The following TSPAN14 variants were observed in gnomAD, a reference collection of about 807,000 sequenced individuals.
TSPAN14 encodes the protein tetraspanin 14.
A neutral mutation model predicts 36.6 loss-of-function variants in TSPAN14; 16 were observed. That is an observed-to-expected ratio of 0.44 (90% CI 0.30 to 0.66). The LOEUF is 0.66. Among genes scored for constraint, TSPAN14 ranks in the 30% least tolerant of loss-of-function variants. TSPAN14 has a pLI of 0.12. For missense variants in TSPAN14, 231 were observed against 355.1 expected (o/e 0.65, Z 2.81); for synonymous variants, 139 against 143.8 (o/e 0.97, Z 0.24).
rs1362634641 is a variant in TSPAN14, at chr10:80,507,141, G to GTT, written c.133-84_133-83dup. On this transcript the variant is annotated intron_variant, in intron 3 of 8. Transcript: ENST00000429989. The stretch of plus-strand genomic sequence containing the variant: ...GCTGAGCCTGGGGAAGCAAGTCCCT[G>GTT]TTTTCAGTACCACCTGCATCCCCCA... 6.5e-6 allele frequency: 10 copies of GTT among 1,535,524 alleles called. No homozygotes were observed. The Middle Eastern group carries it at 9.1e-4, about 140-fold the overall frequency.
chr10:80,517,794 T>G, intron 8 of TSPAN14, 111 bp from the exon 9 acceptor site: 1 of 1,036,832 alleles, frequency 9.6e-7, no homozygotes, highest in Non-Finnish European at 1.5e-6. Context: ...CAGTCGCAGC[T>G]GGGGGGTGAG....
intron 1 of TSPAN14, among the ~76,000 whole-genome samples, chr10:80,473,782 T>C (rs1055870050): frequency 3.3e-5 from 5 of 151,192 alleles, no homozygotes; most frequent in Non-Finnish European, 7.4e-5. Flanking sequence ...GTGTTTCTGG[T>C]GGCCCCTGGA....
chr10:80,511,588 G>A (rs2132056762), intron 5 of TSPAN14, among the ~76,000 whole-genome samples: 1 of 152,196 alleles, frequency 6.6e-6, no homozygotes, highest in Middle Eastern at 3.4e-3. Context: ...CCTGGCAGTG[G>A]GGCCAGAGGG....
rs770128244 is a variant in TSPAN14, at chr10:80,455,445, CAGGGGATCTTCCTCCCTTCCG to C, written c.-18+1077_-18+1097del. Among the ~76,000 whole-genome samples, 22 of 152,096 alleles carry C rather than the reference CAGGGGATCTTCCTCCCTTCCG, an allele frequency of 1.4e-4. 1 individual carries two copies. The highest frequency in any genetic ancestry group is 2.6e-4 in the Admixed American group (4 of 15,278). ...GTGCTCTTGGCAGTGGTCTGCTCTC[CAGGGGATCTTCCTCCCTTCCG>C]AGAGGGAGTTGCTCTTGGGCTAGTG... On this transcript the variant is annotated intron_variant, in intron 1 of 8. Transcript: ENST00000429989.
Position 80,518,955 on chromosome 10 carries a change from C to T in TSPAN14, c.*979C>T, listed in dbSNP as rs940807996. 2.0e-5 allele frequency: 3 copies of T among 153,082 alleles called. No individual in the cohort carries two copies. The Admixed American group carries it at 2.0e-4, about 10-fold the overall frequency. 9.5% of individuals were successfully genotyped at this position (153,082 alleles called of 1,614,324 possible). A position where few individuals can be genotyped will look rare whatever the true frequency, so the allele number is the denominator to read the frequency against. ...TACTGCAGCCTCCCTCCATGCATCCCACATACAAGCACTCCCCCACTCCCC... is the reference window on the plus strand; with the variant it reads ...TACTGCAGCCTCCCTCCATGCATCCTACATACAAGCACTCCCCCACTCCCC... On this transcript the variant is annotated 3_prime_UTR_variant, in exon 9 of 9. Coordinates refer to ENST00000429989, the Ensembl canonical transcript of TSPAN14.
chr10:80,509,796 C>A lies in TSPAN14; in HGVS notation c.450+325C>A. 3.4e-6 allele frequency: 1 copy of A among 295,150 alleles called. No individual in the cohort carries two copies. Among genetic ancestry groups the A allele is most frequent in the South Asian group, 4.2e-5 (1 of 23,574 alleles). 18.3% of individuals were successfully genotyped at this position (295,150 alleles called of 1,614,324 possible). ...GCCCAATAGCCATACCAGCTGCAAT[C>A]CTCCTTAGGCGCTGCATACCGTAAG... On this transcript the variant is annotated intron_variant, in intron 5 of 8. Transcript: ENST00000429989. The surrounding 1 kb of genome is among the most constrained non-coding windows in gnomAD (Gnocchi z 4.7).
chr10:80,455,351 C>T (rs1845689251), intron 1 of TSPAN14, among the ~76,000 whole-genome samples: 1 of 152,056 alleles, frequency 6.6e-6, no homozygotes, highest in Non-Finnish European at 1.5e-5. Flanking sequence ...GCTGTGCTGG[C>T]GCTGCTATCC....
chr10:80,500,523 TTCTCCA>T (rs1848451800), intron 2 of TSPAN14, among the ~76,000 whole-genome samples: 1 of 151,930 alleles, frequency 6.6e-6, no homozygotes, highest in African/African-American at 2.4e-5. Flanking sequence ...GAGATGGGGT[TTCTCCA>T]TGTTGGTGAG....
At chr10:80,517,809 G>T in intron 8 of TSPAN14, 96 bp from the exon 9 acceptor site, 2 of 1,177,522 alleles carry the variant, frequency 1.7e-6, no homozygotes, top group South Asian at 2.7e-5. Context: ...GGTGAGGAGA[G>T]GCGTGCAGTG....
intron 1 of TSPAN14, among the ~76,000 whole-genome samples, chr10:80,470,566 C>G (rs1185713765): frequency 1.3e-5 from 2 of 152,256 alleles, no homozygotes; most frequent in Non-Finnish European, 2.9e-5. Flanking sequence ...AAATATAATT[C>G]TAAACTCTCT....
intron 5 of TSPAN14, among the ~76,000 whole-genome samples, chr10:80,511,769 T>C (rs1456372912): frequency 1.5e-4 from 20 of 129,768 alleles, no homozygotes; most frequent in South Asian, 8.0e-4. Context: ...TCTCTCTCTC[T>C]CTCCCCTTTT....
intron 1 of TSPAN14, among the ~76,000 whole-genome samples, chr10:80,481,363 A>G (rs1847264864): frequency 6.6e-6 from 1 of 152,240 alleles, no homozygotes; most frequent in Non-Finnish European, 1.5e-5. Flanking sequence ...TAGACAACTG[A>G]CATCAAATTT....
rs749262140 is a variant in TSPAN14, at chr10:80,511,530, A to AG, written c.451-613dup. On this transcript the variant is annotated intron_variant, in intron 5 of 8. Transcript: ENST00000429989. Reference sequence around the variant, plus strand: ...GGCGTCTCCTTTGAGGAGGCTGGGAAGAAGAGCAAGCTCCCTGCTAAGGAG... The same window carrying AG: ...GGCGTCTCCTTTGAGGAGGCTGGGAAGGAAGAGCAAGCTCCCTGCTAAGGAG... 1.5e-4 allele frequency among the ~76,000 whole-genome samples: 23 copies of AG among 152,220 alleles called. No homozygotes were observed. The East Asian group carries it at 3.7e-3, about 24-fold the overall frequency.
intron 7 of TSPAN14, chr10:80,515,913 T>C (rs2132066999): frequency 5.2e-6 from 2 of 381,818 alleles, no homozygotes; most frequent in Non-Finnish European, 9.5e-6. Flanking sequence ...TCTCCAGATG[T>C]GGATGGTGGG....
At chr10:80,516,470 TGAGA>T in intron 8 of TSPAN14, 147 bp downstream of exon 8, 1 of 1,215,380 alleles carries the variant, frequency 8.2e-7, no homozygotes, top group Non-Finnish European at 1.2e-6. Context: ...TGTCCAAGGC[TGAGA>T]GAGTGTATGC....
intron 1 of TSPAN14, among the ~76,000 whole-genome samples, chr10:80,475,849 T>C (rs1200447693): frequency 6.6e-6 from 1 of 152,138 alleles, no homozygotes; most frequent in Non-Finnish European, 1.5e-5. Flanking sequence ...CCTCCCAGAG[T>C]GCTGGGATTA....
intron 1 of TSPAN14, among the ~76,000 whole-genome samples, chr10:80,485,317 G>T (rs1292478295): frequency 6.6e-6 from 1 of 152,168 alleles, no homozygotes; most frequent in Non-Finnish European, 1.5e-5. Flanking sequence ...TGAGATGCTA[G>T]GGACCATGGT....
chr10:80,503,862 G>T (rs1208523810), intron 2 of TSPAN14, among the ~76,000 whole-genome samples: 2 of 152,100 alleles, frequency 1.3e-5, no homozygotes, highest in Non-Finnish European at 2.9e-5. Context: ...ATGCCAGTGT[G>T]GTGTAAAGTA....
rs954183216 is a variant in TSPAN14 at position 80,507,631 on chromosome 10, C to T, written c.279+257C>T. Reference sequence around the variant, plus strand: ...CTGCCTATAGGCCAGCTCTACTCCCCGCTCCTTTGCCTTTTATCTTCCTTC... The same window carrying T: ...CTGCCTATAGGCCAGCTCTACTCCCTGCTCCTTTGCCTTTTATCTTCCTTC... On this transcript the variant is annotated intron_variant, in intron 4 of 8. Transcript: ENST00000429989. 6.6e-5 allele frequency among the ~76,000 whole-genome samples: 10 copies of T among 152,332 alleles called. No individual in the cohort carries two copies. The East Asian group carries it at 1.2e-3, about 18-fold the overall frequency.
Sources: gnomAD v4.1 joint callset for allele counts (sites outside exome capture counted in the v4.1 genomes callset) on GRCh38, gnomAD v4.1.1 for gene constraint, Gnocchi (gnomAD v3.1) non-coding constraint, MANE v1.5 for transcripts, NCBI Gene and HGNC (gene_info 2026-07-23, HGNC 2026-07-21) for gene names.